Variants in MBOAT2 observed in about 807,000 individuals in gnomAD.
MBOAT2 encodes membrane bound glycerophospholipid O-acyltransferase 2, also known as membrane-bound glycerophospholipid O-acyltransferase 2.
MBOAT2 carries 28 observed loss-of-function variants against 63.4 expected under a neutral mutation model. The ratio of observed to expected loss-of-function variants is 0.44; its 90% confidence interval spans 0.33 to 0.61. The LOEUF (loss-of-function observed/expected upper bound fraction) is 0.61. Ranked by LOEUF, MBOAT2 falls within the 20% of genes least tolerant of loss-of-function variation. The pLI is 0.03. For missense variants in MBOAT2, 470 were observed against 605.8 expected (o/e 0.78, Z 2.35); for synonymous variants, 211 against 215.6 (o/e 0.98, Z 0.19).
chr2:8,889,262 T>C (rs930973712), intron 4 of MBOAT2, among the ~76,000 whole-genome samples: 1 of 152,230 alleles, frequency 6.6e-6, no homozygotes, highest in Non-Finnish European at 1.5e-5. Context: ...CAGAGGTGTC[T>C]TTCTCACAAG....
chr2:8,935,596 G>A (rs1667603991), intron 3 of MBOAT2, among the ~76,000 whole-genome samples: 1 of 152,224 alleles, frequency 6.6e-6, no homozygotes, highest in African/African-American at 2.4e-5. Context: ...ATTTGATCTA[G>A]AAGTTTGAAC....
chr2:8,963,465 G>A (rs946749297), intron 1 of MBOAT2, among the ~76,000 whole-genome samples: 26 of 151,912 alleles, frequency 1.7e-4, no homozygotes, highest in African/African-American at 4.8e-4. Flanking sequence ...TACCACGCCC[G>A]GCTAATTTTT....
intron 2 of MBOAT2, among the ~76,000 whole-genome samples, chr2:8,944,828 T>C (rs1252698985): frequency 1.4e-4 from 22 of 152,188 alleles, no homozygotes; most frequent in Admixed American, 1.4e-3. Flanking sequence ...ACCTCTTATG[T>C]GTTGCCAACA....
At chr2:8,942,583 C>T (rs542749930) in intron 3 of MBOAT2, among the ~76,000 whole-genome samples, 5 of 152,290 alleles carry the variant, frequency 3.3e-5, no homozygotes, top group African/African-American at 9.6e-5. Context: ...ATACCAAACA[C>T]GTTTAGGGGC....
Position 8,922,539 on chromosome 2 carries a change from T to C in MBOAT2, c.300-13823A>G, listed in dbSNP as rs537801848. 2.4e-4 allele frequency among the ~76,000 whole-genome samples: 36 copies of C among 152,348 alleles called. 1 individual carries two copies. Among genetic ancestry groups the C allele is most frequent in the African/African-American group, 8.4e-4 (35 of 41,580 alleles). On this transcript the variant is annotated intron_variant, in intron 3 of 12. Transcript: ENST00000305997. ...TGGTGAGAGCTGATGCAGCAGCTGA[T>C]GTCTCTACTCAGTTTTTTAAAGCCT...
intron 6 of MBOAT2, among the ~76,000 whole-genome samples, chr2:8,879,671 GCC>G (rs1326637964): frequency 2.6e-5 from 4 of 152,072 alleles, no homozygotes; most frequent in Non-Finnish European, 5.9e-5. Context: ...CCCACCGGAC[GCC>G]AGTAGCACCA....
intron 1 of MBOAT2, among the ~76,000 whole-genome samples, chr2:8,960,029 T>A (rs982035734): frequency 2.6e-5 from 4 of 152,224 alleles, no homozygotes; most frequent in African/African-American, 9.6e-5. Context: ...AGAAAAACAG[T>A]AGAACGTTGT....
At chr2:8,899,486 T>A (rs1664748352) in intron 4 of MBOAT2, among the ~76,000 whole-genome samples, 1 of 152,144 alleles carries the variant, frequency 6.6e-6, no homozygotes, top group Admixed American at 6.5e-5. Context: ...CCCTCAATGG[T>A]TAAACCGTAC....
In MBOAT2 at chr2:8,899,737, T is replaced by C. The variant is rs181224484; in HGVS notation, c.395+8884A>G. The stretch of plus-strand genomic sequence containing the variant: ...ACTCTTAACAAATCCTACCAGATGA[T>C]TGGCCTGCTCCATTTTCTGTCCTCT... On this transcript the variant is annotated intron_variant, in intron 4 of 12. Transcript: ENST00000305997. Among the ~76,000 whole-genome samples, 208 of 152,088 alleles carry C rather than the reference T, an allele frequency of 1.4e-3. 1 individual carries two copies. The highest frequency in any genetic ancestry group is 4.5e-3 in the African/African-American group (187 of 41,524).
chr2:8,893,309 G>A (rs1664156146), intron 4 of MBOAT2, among the ~76,000 whole-genome samples: 1 of 152,194 alleles, frequency 6.6e-6, no homozygotes, highest in African/African-American at 2.4e-5. Flanking sequence ...AGGGAAAACA[G>A]CACTGCAGCT....
intron 2 of MBOAT2, among the ~76,000 whole-genome samples, chr2:8,945,960 T>C (rs572738092): frequency 3.3e-5 from 5 of 152,352 alleles, no homozygotes; most frequent in East Asian, 3.9e-4. Flanking sequence ...AGACCGTTTA[T>C]GTCCTCACAG....
intron 3 of MBOAT2, among the ~76,000 whole-genome samples, chr2:8,909,841 A>G (rs1400371989): frequency 1.3e-5 from 2 of 152,218 alleles, no homozygotes; most frequent in African/African-American, 4.8e-5. Flanking sequence ...AATTTCTAAA[A>G]ATCATGTGGC....
intron 3 of MBOAT2, among the ~76,000 whole-genome samples, chr2:8,939,457 G>C (rs1237476905): frequency 6.6e-6 from 1 of 152,214 alleles, no homozygotes; most frequent in Non-Finnish European, 1.5e-5. Flanking sequence ...GTGGGAGCAC[G>C]GGGGAAAGAT....
At chr2:8,992,183 G>C (rs1027833290) in intron 1 of MBOAT2, among the ~76,000 whole-genome samples, 3 of 152,152 alleles carry the variant, frequency 2.0e-5, no homozygotes, top group Non-Finnish European at 4.4e-5. Context: ...CATCTATCTT[G>C]AAATTTAATA....
chr2:8,861,675 C>G (rs1434723900), intron 11 of MBOAT2, among the ~76,000 whole-genome samples: 1 of 152,148 alleles, frequency 6.6e-6, no homozygotes, highest in African/African-American at 2.4e-5. Flanking sequence ...TCTCAAAGTC[C>G]AGATCCAAAC....
intron 1 of MBOAT2, among the ~76,000 whole-genome samples, chr2:9,002,935 C>G (rs1672808017): frequency 6.6e-6 from 1 of 152,216 alleles, no homozygotes; most frequent in Non-Finnish European, 1.5e-5. Context: ...TGCCTTCCCA[C>G]AAACTGTTGC....
intron 6 of MBOAT2, among the ~76,000 whole-genome samples, chr2:8,879,472 A>C (rs1662946024): frequency 6.6e-6 from 1 of 152,248 alleles, no homozygotes; most frequent in African/African-American, 2.4e-5. Flanking sequence ...TGAGAACTTA[A>C]GTCTAATTGT....
At chr2:8,906,892 T>C (rs1403472079) in intron 4 of MBOAT2, among the ~76,000 whole-genome samples, 1 of 152,132 alleles carries the variant, frequency 6.6e-6, no homozygotes, top group Non-Finnish European at 1.5e-5. Context: ...AATCCCAAAA[T>C]ACAAACTAGA....
intron 3 of MBOAT2, among the ~76,000 whole-genome samples, chr2:8,934,705 C>A (rs533863794): frequency 1.3e-5 from 2 of 152,262 alleles, no homozygotes; most frequent in South Asian, 4.1e-4. Context: ...CCACAGAGAA[C>A]ATACAAGAAA....
Sources: allele counts gnomAD v4.1 joint callset (sites outside exome capture counted in the v4.1 genomes callset), GRCh38; gene constraint gnomAD v4.1.1; transcripts MANE v1.5; gene names NCBI Gene and HGNC (gene_info 2026-07-23, HGNC 2026-07-21).